HPSE2: variants seen among roughly 807,000 people sequenced by gnomAD.
HPSE2 encodes the protein heparanase 2 (inactive).
Under a neutral mutation model 60.5 loss-of-function variants are expected in HPSE2, and 38 were observed. That is an observed-to-expected ratio of 0.63 (90% CI 0.48 to 0.82). The LOEUF (loss-of-function observed/expected upper bound fraction) is 0.82. Ranked by LOEUF, HPSE2 falls within the 40% of genes least tolerant of loss-of-function variation. The probability of loss-of-function intolerance (pLI) is 0.00; values close to 1 mark genes in which losing one functional copy is unlikely to be tolerated. For synonymous variants in HPSE2, 295 were observed against 293.2 expected (o/e 1.01, Z -0.06); for missense variants, 713 against 740.4 (o/e 0.96, Z 0.43).
At chr10:99,301,224 C>T in the HPSE2 span, among the ~76,000 whole-genome samples, 4 of 152,272 alleles carry the variant, frequency 2.6e-5, no homozygotes, top group Admixed American at 2.0e-4. Context: ...GGGATAGTTC[C>T]CACCTCTGTG....
At chr10:99,132,350 T>C (rs1845475827) in intron 3 of HPSE2, among the ~76,000 whole-genome samples, 1 of 151,674 alleles carries the variant, frequency 6.6e-6, no homozygotes, top group African/African-American at 2.4e-5. Flanking sequence ...TGAAGTAAAA[T>C]TAATAAAATG....
At chr10:99,172,352 G>A (rs1040707514) in intron 2 of HPSE2, among the ~76,000 whole-genome samples, 1 of 152,148 alleles carries the variant, frequency 6.6e-6, no homozygotes, top group East Asian at 1.9e-4. Flanking sequence ...AGCCTCAGGG[G>A]ACCTACAGAG....
intron 3 of HPSE2, among the ~76,000 whole-genome samples, chr10:98,751,657 C>T (rs958226857): frequency 6.6e-6 from 1 of 152,106 alleles, no homozygotes; most frequent in Non-Finnish European, 1.5e-5. Context: ...AGAATATGGA[C>T]AGATTATCAA....
intron 5 of HPSE2, among the ~76,000 whole-genome samples, chr10:98,721,440 C>A (rs1948919824): frequency 1.3e-5 from 2 of 152,010 alleles, no homozygotes; most frequent in African/African-American, 4.8e-5. Context: ...TATACCTTCC[C>A]CATCCCACCA....
chr10:98,768,605 GTTTGT>G (rs1282605417), intron 3 of HPSE2, among the ~76,000 whole-genome samples: 1 of 152,094 alleles, frequency 6.6e-6, no homozygotes, highest in Non-Finnish European at 1.5e-5. Flanking sequence ...CATGTTTACT[GTTTGT>G]TTTATTTTAT....
chr10:99,305,862 T>C, the HPSE2 span, among the ~76,000 whole-genome samples: 1 of 151,822 alleles, frequency 6.6e-6, no homozygotes, highest in African/African-American at 2.4e-5. Flanking sequence ...ATATCTGACA[T>C]TAATAACTCA....
rs1361579412 is a variant in HPSE2, at chr10:98,815,967, A to T, written c.611-71911T>A. Among the ~76,000 whole-genome samples, 3 of 146,212 alleles carry T rather than the reference A, an allele frequency of 2.1e-5. No homozygotes were observed. The Admixed American group carries it at 2.1e-4, about 10-fold the overall frequency. On this transcript the variant is annotated intron_variant, in intron 3 of 11. Transcript: ENST00000370552. Reference sequence around the variant, plus strand: ...CCGCATGTTCTCACTCATAGGTGGGAATTGAACAATGAGAACACATGAACA... The same window carrying T: ...CCGCATGTTCTCACTCATAGGTGGGTATTGAACAATGAGAACACATGAACA...
intron 3 of HPSE2, among the ~76,000 whole-genome samples, chr10:99,005,235 C>G (rs1956864324): frequency 7.0e-6 from 1 of 143,052 alleles, no homozygotes; most frequent in Admixed American, 7.2e-5. Context: ...CTATTTCTTT[C>G]AGTAAGCTTT....
intron 7 of HPSE2, among the ~76,000 whole-genome samples, chr10:98,622,296 T>C (rs1198186173): frequency 6.6e-6 from 1 of 152,154 alleles, no homozygotes; most frequent in East Asian, 1.9e-4. Context: ...CTAAATACCC[T>C]ATAATGACAC....
the HPSE2 span, among the ~76,000 whole-genome samples, chr10:99,299,336 G>A: frequency 6.6e-6 from 1 of 152,318 alleles, no homozygotes; most frequent in Admixed American, 6.5e-5. Context: ...TCTACTGCAG[G>A]AGGCAGCTGA....
intron 3 of HPSE2, among the ~76,000 whole-genome samples, chr10:98,897,616 A>C (rs1953531831): frequency 2.6e-5 from 4 of 152,056 alleles, no homozygotes; most frequent in Admixed American, 2.6e-4. Flanking sequence ...GATATCTTTC[A>C]AAAAAATGGT....
chr10:98,670,473 A>G (rs1329998433), intron 6 of HPSE2, among the ~76,000 whole-genome samples: 1 of 152,232 alleles, frequency 6.6e-6, no homozygotes, highest in Non-Finnish European at 1.5e-5. Context: ...TATTGTTACT[A>G]ATTGAGCATC....
intron 9 of HPSE2, among the ~76,000 whole-genome samples, chr10:98,590,128 C>A (rs540989724): frequency 6.6e-6 from 1 of 152,352 alleles, no homozygotes; most frequent in Admixed American, 6.5e-5. Context: ...CTAACACCAA[C>A]CCCCAAAGCC....
intron 3 of HPSE2, among the ~76,000 whole-genome samples, chr10:98,882,376 G>A (rs527458735): frequency 3.9e-5 from 6 of 152,142 alleles, no homozygotes; most frequent in African/African-American, 1.4e-4. Context: ...TCAAAGTCTC[G>A]ATGACTTACA....
At chr10:98,969,010 T>A (rs1955882835) in intron 3 of HPSE2, among the ~76,000 whole-genome samples, 1 of 152,060 alleles carries the variant, frequency 6.6e-6, no homozygotes, top group Non-Finnish European at 1.5e-5. Flanking sequence ...CATAAATAAA[T>A]AAATATCACA....
At chr10:98,697,696 C>A (rs1054842018) in intron 5 of HPSE2, among the ~76,000 whole-genome samples, 2 of 152,052 alleles carry the variant, frequency 1.3e-5, no homozygotes, top group African/African-American at 4.8e-5. Context: ...AACCCCAAGA[C>A]ACGTAATGAT....
rs1265632728 is a variant in HPSE2, at chr10:99,053,269, C to T, written c.610+90969G>A. Among the ~76,000 whole-genome samples, 3 of 152,072 alleles carry T rather than the reference C, an allele frequency of 2.0e-5. No homozygotes were observed. The East Asian group carries it at 5.8e-4, about 29-fold the overall frequency. ...TAAATAAAATTATGCCGTTGCAAAA[C>T]TTTTCCATTGTATGGAAGTAGTATA... On this transcript the variant is annotated intron_variant, in intron 3 of 11. Transcript: ENST00000370552.
chr10:98,847,162 G>A (rs984489671), intron 3 of HPSE2, among the ~76,000 whole-genome samples: 1 of 152,174 alleles, frequency 6.6e-6, no homozygotes, highest in Non-Finnish European at 1.5e-5. Flanking sequence ...TAAGAGGTTT[G>A]CCAGAGCTAT....
intron 3 of HPSE2, among the ~76,000 whole-genome samples, chr10:98,915,778 C>T (rs1954104165): frequency 6.6e-6 from 1 of 152,020 alleles, no homozygotes; most frequent in Non-Finnish European, 1.5e-5. Flanking sequence ...AAAGAAAGAG[C>T]ATGCGGAAAG....
Sources: allele counts gnomAD v4.1 joint callset (sites outside exome capture counted in the v4.1 genomes callset), GRCh38; gene constraint gnomAD v4.1.1; transcripts MANE v1.5; gene names NCBI Gene and HGNC (gene_info 2026-07-23, HGNC 2026-07-21).